Variants in TNKS1BP1 observed in about 807,000 individuals in gnomAD.
The protein encoded by TNKS1BP1 is CCR4-NOT transcription complex subunit 12, also known as 182 kDa tankyrase-1-binding protein.
Under a neutral mutation model 141.1 loss-of-function variants are expected in TNKS1BP1, and 48 were observed. That is an observed-to-expected ratio of 0.34 (90% CI 0.27 to 0.43). The LOEUF (loss-of-function observed/expected upper bound fraction) is 0.43. Among genes scored for constraint, TNKS1BP1 ranks in the 20% least tolerant of loss-of-function variants. The probability of loss-of-function intolerance (pLI) is 1.00; values close to 1 mark genes in which losing one functional copy is unlikely to be tolerated. For synonymous variants in TNKS1BP1, 875 were observed against 898.2 expected (o/e 0.97, Z 0.46); for missense variants, 2,149 against 2,226.0 (o/e 0.97, Z 0.70).
At chr11:57,311,502 C>T (rs973828090) in intron 5 of TNKS1BP1, 7 of 978,820 alleles carry the variant, frequency 7.2e-6, no homozygotes, top group African/African-American at 7.0e-5. Context: ...CTGCTCCCTC[C>T]GGAGCAGCTG....
At position 57,300,534 on chromosome 11, in the gene TNKS1BP1, G is replaced by A. The variant is rs952920882; in HGVS notation, c.*6C>T. 1.9e-6 allele frequency: 3 copies of A among 1,614,190 alleles called. No individual in the cohort carries two copies. Among genetic ancestry groups the A allele is most frequent in the Non-Finnish European group, 8.5e-7 (1 of 1,180,008 alleles). Reference sequence around the variant, plus strand: ...CCCAGGAACCTGTCCTCACCTCAGTGACTTCTCAGACCTTCTTCTTCTTCA... The same window carrying A: ...CCCAGGAACCTGTCCTCACCTCAGTAACTTCTCAGACCTTCTTCTTCTTCA... On this transcript the variant is annotated 3_prime_UTR_variant, in exon 11 of 12. Transcript: ENST00000358252.
intron 6 of TNKS1BP1, chr11:57,303,605 G>T (rs956603201): frequency 6.6e-6 from 1 of 152,378 alleles, no homozygotes; most frequent in Non-Finnish European, 1.5e-5. Flanking sequence ...GGGCAAAAAC[G>T]GGGCCCTTTC....
chr11:57,304,826 C>T lies in TNKS1BP1; in HGVS notation c.4317-2001G>A, dbSNP rs750827969. 8.2e-5 allele frequency among the ~76,000 whole-genome samples: 12 copies of T among 146,956 alleles called. 1 individual carries two copies. Among genetic ancestry groups the T allele is most frequent in the Non-Finnish European group, 1.4e-4 (9 of 66,072 alleles). ...GGTGGAGGTTGCAGTGAGCCAAGAC[C>T]GCGCCACTGCACTCCAGCCCAGGCA... is the stretch of plus-strand genomic sequence containing the variant. On this transcript the variant is annotated intron_variant, in intron 6 of 11. Transcript: ENST00000358252.
intron 5 of TNKS1BP1, among the ~76,000 whole-genome samples, chr11:57,312,232 T>C (rs1439445129): frequency 2.0e-5 from 3 of 152,100 alleles, no homozygotes; most frequent in Non-Finnish European, 4.4e-5. Context: ...TTACCCACAA[T>C]ATAACTCTAA....
Position 57,310,404 on chromosome 11 carries a change from G to A in TNKS1BP1, c.2307C>T (p.Leu769=), listed in dbSNP as rs367702557. The change falls in exon 6 of 12, where the codon CTC becomes CTT. Residue 769 remains leucine (L), a synonymous_variant. Transcript: ENST00000358252. ...ACTTGCTGGTCCAGTCCCTCTCTCC[G>A]AGACCTGGGTCTCCTCTAGGGCTTG... ...GGASPRGDPG[L]GERDWTSKYG... 48 of 1,613,896 alleles carry A rather than the reference G, an allele frequency of 3.0e-5. No homozygotes were observed. The East Asian group carries it at 3.3e-4, about 11-fold the overall frequency.
At position 57,317,755 on chromosome 11, in the gene TNKS1BP1, T is replaced by C. The variant is rs566525134; in HGVS notation, c.798+63A>G. On this transcript the variant is annotated intron_variant, in intron 4 of 11. Coordinates refer to ENST00000358252, the MANE Select transcript of TNKS1BP1 (RefSeq NM_033396.3). ...GAACTACAAGGAGTAGAAAAGATGATCTCATATGACCCTTCCAGCTCTAAA... is the reference window on the plus strand; with the variant it reads ...GAACTACAAGGAGTAGAAAAGATGACCTCATATGACCCTTCCAGCTCTAAA... 13 of 1,489,144 alleles carry C rather than the reference T, an allele frequency of 8.7e-6. No individual in the cohort carries two copies. The East Asian group carries it at 2.8e-4, about 32-fold the overall frequency. 92.2% of individuals were successfully genotyped at this position (1,489,144 alleles called of 1,614,324 possible). A position where few individuals can be genotyped will look rare whatever the true frequency, so the allele number is the denominator to read the frequency against.
intron 10 of TNKS1BP1, 85 bp from the exon 11 acceptor site, chr11:57,300,685 C>A (rs545151400): frequency 6.3e-7 from 1 of 1,577,170 alleles, no homozygotes; most frequent in East Asian, 2.2e-5. Context: ...CAGAAACCAC[C>A]CTCTAACCAG....
At position 57,302,421 on chromosome 11, in the gene TNKS1BP1, C is replaced by T; in HGVS notation, c.4683+38G>A. On this transcript the variant is annotated intron_variant, in intron 7 of 11. Coordinates refer to ENST00000358252, the MANE Select transcript of TNKS1BP1 (RefSeq NM_033396.3). This position sits in a 1 kb window ranked among gnomAD's most constrained non-coding sequence, Gnocchi z 5.5. ...GGAATGGGGCTCTCGCTGCATCGCC[C>T]TCACCCACCCACTGTCATGGGCTCA... is the stretch of plus-strand genomic sequence containing the variant. The T allele has an allele frequency of 6.4e-7, 1 of 1,557,774 alleles. No individual in the cohort carries two copies. Among genetic ancestry groups the T allele is most frequent in the Non-Finnish European group, 8.7e-7 (1 of 1,146,872 alleles).
In TNKS1BP1 at chr11:57,311,789, G is replaced by C. The variant is rs917441314; in HGVS notation, c.2154+745C>G. ...CTGGGCCGGGAAACGGCGCTGGCCC[G>C]GGCCCAGCCACCAACTTGCTGGATA... On this transcript the variant is annotated intron_variant, in intron 5 of 11. Transcript: ENST00000358252. Among the ~76,000 whole-genome samples the C allele has an allele frequency of 3.3e-5, 5 of 152,370 alleles. No individual in the cohort carries two copies. The East Asian group carries it at 7.7e-4, about 23-fold the overall frequency.
chr11:57,300,030 C>G lies in TNKS1BP1; in HGVS notation c.*64G>C, dbSNP rs1453631405. On this transcript the variant is annotated 3_prime_UTR_variant, in exon 12 of 12. Transcript: ENST00000358252. The stretch of plus-strand genomic sequence containing the variant: ...GGTGGGGCTCCAGCCGTCTCCTCAC[C>G]CAGGGACCCCACAGGAATGGGCACT... 3.9e-5 allele frequency: 6 copies of G among 154,890 alleles called. No individual in the cohort carries two copies. Among genetic ancestry groups the G allele is most frequent in the Non-Finnish European group, 1.4e-5 (1 of 69,568 alleles). The allele number at this position is 154,890 out of a possible 1,614,324, so 9.6% of individuals were successfully genotyped here.
chr11:57,320,039 CT>C, intron 3 of TNKS1BP1, 39 bp downstream of exon 3: 2 of 1,592,530 alleles, frequency 1.3e-6, no homozygotes, highest in African/African-American at 1.3e-5. Context: ...CCCACCTGAC[CT>C]CCAGGCTGCC....
chr11:57,308,905 A>C lies in TNKS1BP1; in HGVS notation c.3806T>G (p.Leu1269Arg), dbSNP rs775537664. ...TCCAACTCCACGCTCCCTTGATTTA[A>C]GGAACTCTCCGGCCTCCACACCTGA... ...DWSGVEAGEF[L>R]KSRERGVGQA... is the part of the protein sequence containing the mutation. Residue 1269 changes from leucine to arginine, a missense_variant, in exon 6 of 12, where the codon CTT (leucine) becomes CGT (arginine). Transcript: ENST00000358252. 1 of 1,613,940 alleles carries C rather than the reference A, an allele frequency of 6.2e-7. No individual in the cohort carries two copies. Among genetic ancestry groups the C allele is most frequent in the Non-Finnish European group, 8.5e-7 (1 of 1,180,018 alleles).
At chr11:57,319,929 G>A (rs1272148058) in intron 3 of TNKS1BP1, 150 bp downstream of exon 3, 8 of 888,390 alleles carry the variant, frequency 9.0e-6, no homozygotes, top group Admixed American at 2.6e-5. Flanking sequence ...GACCTAGATC[G>A]GGATCTGCCT....
chr11:57,310,609 G>A (rs1855691364), intron 5 of TNKS1BP1, 53 bp from the exon 6 acceptor site: 12 of 1,553,974 alleles, frequency 7.7e-6, no homozygotes, highest in Non-Finnish European at 1.0e-5. Flanking sequence ...ATTCCATCAG[G>A]GTGGGAGTCA....
At chr11:57,321,180 T>G (rs1326657591) in intron 2 of TNKS1BP1, among the ~76,000 whole-genome samples, 1 of 152,106 alleles carries the variant, frequency 6.6e-6, no homozygotes, top group East Asian at 1.9e-4. Flanking sequence ...GCTGAGCTTC[T>G]CTATCCTGCC....
At position 57,320,651 on chromosome 11, in the gene TNKS1BP1, G is replaced by A. The variant is rs1330696463; in HGVS notation, c.156C>T (p.Ala52=). The change falls in exon 3 of 12, where the codon GCC becomes GCT. Residue 52 remains alanine (A), a synonymous_variant. Transcript: ENST00000358252. ...PKPRALPAKP[A]LPAKPSLLVP... ...CCAGCAGGCTGGGTTTGGCAGGCAG[G>A]GCTGGCTTGGCAGGCAGGGCCCGGG... is the stretch of plus-strand genomic sequence containing the variant. 4 of 1,610,430 alleles carry A rather than the reference G, an allele frequency of 2.5e-6. No homozygotes were observed. The African/African-American group carries it at 5.3e-5, about 21-fold the overall frequency.
Position 57,300,552 on chromosome 11 carries a change from C to A in TNKS1BP1, c.5178G>T (p.Lys1726Asn). ...PNWLQALKLK[K>N]KKV The stretch of plus-strand genomic sequence containing the variant: ...CCTCAGTGACTTCTCAGACCTTCTT[C>A]TTCTTCAGTTTCAGGGCTTGAAGCC... The change falls in exon 11 of 12, where the codon AAG becomes AAT. Residue 1726 changes from lysine (K) to asparagine (N), a missense_variant. Transcript: ENST00000358252. The A allele has an allele frequency of 3.1e-6, 5 of 1,614,260 alleles. No homozygotes were observed. The highest frequency in any genetic ancestry group is 4.2e-6 in the Non-Finnish European group (5 of 1,180,048).
intron 6 of TNKS1BP1, among the ~76,000 whole-genome samples, chr11:57,307,716 G>A (rs964805840): frequency 6.6e-6 from 1 of 152,210 alleles, no homozygotes; most frequent in Non-Finnish European, 1.5e-5. Flanking sequence ...TGCCTTTTTA[G>A]CACGTTTCTC....
rs375269387 is a variant in TNKS1BP1 at position 57,320,251 on chromosome 11, G to A, written c.556C>T (p.Arg186Cys). Residue 186 changes from arginine (R) to cysteine (C), a missense_variant, in exon 3 of 12, where the codon CGC (arginine) becomes TGC (cysteine). Transcript: ENST00000358252. The stretch of plus-strand genomic sequence containing the variant: ...CTGCCATCGTGGTTAAAGGTGAGGC[G>A]GGAACCCCACAGGCGGTCGGGGCTG... ...LASPDRLWGS[R>C]LTFNHDGSSR... is the part of the protein sequence containing the mutation. The A allele has an allele frequency of 6.8e-6, 11 of 1,614,068 alleles. No homozygotes were observed. The highest frequency in any genetic ancestry group is 2.2e-5 in the East Asian group (1 of 44,884).
Sources: allele counts gnomAD v4.1 joint callset (sites outside exome capture counted in the v4.1 genomes callset), GRCh38; gene constraint gnomAD v4.1.1; non-coding constraint Gnocchi (gnomAD v3.1); transcripts MANE v1.5; gene names NCBI Gene and HGNC (gene_info 2026-07-23, HGNC 2026-07-21).